TFDP2: variants seen among roughly 807,000 people sequenced by gnomAD.
TFDP2 encodes the protein transcription factor Dp-2 (E2F dimerization partner 2).
A neutral mutation model predicts 59.3 loss-of-function variants in TFDP2; 17 were observed. That is an observed-to-expected ratio of 0.29 (90% CI 0.20 to 0.43). TFDP2 has a LOEUF of 0.43. Ranked by LOEUF, TFDP2 falls within the 20% of genes least tolerant of loss-of-function variation. TFDP2 has a pLI of 1.00. For missense variants in TFDP2, 391 were observed against 528.8 expected (o/e 0.74, Z 2.56); for synonymous variants, 180 against 194.7 (o/e 0.92, Z 0.63).
At chr3:142,023,323 T>G (rs1300594276) in intron 3 of TFDP2, among the ~76,000 whole-genome samples, 2 of 150,858 alleles carry the variant, frequency 1.3e-5, no homozygotes, top group East Asian at 4.0e-4. Context: ...TAGCTGGGAT[T>G]ATGGGCGTGT....
In TFDP2 at chr3:142,051,522, CA is replaced by C. The variant is rs774707613; in HGVS notation, c.82+41538del. Reference sequence around the variant, plus strand: ...TGGGAGACAGAGAGAGATTCCATCTCAAAAAAAAAAAAACCGTCTCCAGATA... The same window carrying C: ...TGGGAGACAGAGAGAGATTCCATCTCAAAAAAAAAAAACCGTCTCCAGATA... On this transcript the variant is annotated intron_variant, in intron 3 of 12. Transcript: ENST00000489671. Among the ~76,000 whole-genome samples the C allele has an allele frequency of 3.1e-3, 370 of 120,394 alleles. 5 individuals are homozygous for C. The highest frequency in any genetic ancestry group is 9.9e-3 in the African/African-American group (321 of 32,566). The allele number at this position is 120,394 out of a possible 152,430, so 79.0% of individuals were successfully genotyped here.
rs1935777267 is a variant in TFDP2, at chr3:141,950,109, T to C, written c.*2404A>G. The C allele has an allele frequency of 6.6e-6, 1 of 152,174 alleles. No individual in the cohort carries two copies. Among genetic ancestry groups the C allele is most frequent in the African/African-American group, 2.4e-5 (1 of 41,430 alleles). 9.4% of individuals were successfully genotyped at this position (152,174 alleles called of 1,614,324 possible). A position where few individuals can be genotyped will look rare whatever the true frequency, so the allele number is the denominator to read the frequency against. The stretch of plus-strand genomic sequence containing the variant: ...GGCGAGAGGCACTGCACCCAGCCCA[T>C]GGTTTCCTAACACTGCCTCACTTTG... On this transcript the variant is annotated 3_prime_UTR_variant, in exon 13 of 13. Transcript: ENST00000489671.
At chr3:141,972,418 C>CT (rs1363935101) in intron 8 of TFDP2, among the ~76,000 whole-genome samples, 1 of 152,216 alleles carries the variant, frequency 6.6e-6, no homozygotes, top group African/African-American at 2.4e-5. Context: ...CAACCCTTCT[C>CT]TTTGTAATTT....
intron 3 of TFDP2, among the ~76,000 whole-genome samples, chr3:142,045,242 C>G (rs1253049202): frequency 6.6e-6 from 1 of 151,644 alleles, no homozygotes; most frequent in Non-Finnish European, 1.5e-5. Context: ...CCATTGCAAC[C>G]TCTGCCTCCC....
chr3:142,110,024 C>T (rs1016170838), intron 1 of TFDP2, among the ~76,000 whole-genome samples: 4 of 152,006 alleles, frequency 2.6e-5, no homozygotes, highest in African/African-American at 7.2e-5. Context: ...ACTACAGGTG[C>T]GGGCGCATGC....
rs1342484878 is a variant in TFDP2 at position 141,968,425 on chromosome 3, CATAT to C, written c.732+1644_732+1647del. Among the ~76,000 whole-genome samples the C allele has an allele frequency of 6.6e-4, 47 of 70,692 alleles. 4 individuals carry two copies. Among genetic ancestry groups the C allele is most frequent in the Non-Finnish European group, 1.1e-3 (39 of 35,104 alleles). 46.4% of individuals were successfully genotyped at this position (70,692 alleles called of 152,430 possible). ...TATCATATATATAACATATATATCTCATATATAGATATATATAACATATATATCT... is the reference window on the plus strand; with the variant it reads ...TATCATATATATAACATATATATCTCATAGATATATATAACATATATATCT... On this transcript the variant is annotated intron_variant, in intron 9 of 12. Coordinates refer to ENST00000489671, the MANE Select transcript of TFDP2 (RefSeq NM_001178139.2).
intron 1 of TFDP2, among the ~76,000 whole-genome samples, chr3:142,148,304 G>C (rs1035259067): frequency 1.3e-5 from 2 of 152,172 alleles, no homozygotes; most frequent in African/African-American, 4.8e-5. Context: ...GGGCTCAAAG[G>C]CAGCTTCAGC....
At chr3:141,969,984 A>G in intron 9 of TFDP2, 89 bp downstream of exon 9, 1 of 1,302,692 alleles carries the variant, frequency 7.7e-7, no homozygotes. Context: ...CACACCACTC[A>G]GAGGCACCAC....
At chr3:141,975,171 C>T (rs1940439146) in intron 7 of TFDP2, among the ~76,000 whole-genome samples, 1 of 151,870 alleles carries the variant, frequency 6.6e-6, no homozygotes, top group Admixed American at 6.6e-5. Flanking sequence ...CTCGACCTCC[C>T]AAAGTGCTAG....
At chr3:142,146,899 T>C (rs2063199013) in intron 1 of TFDP2, among the ~76,000 whole-genome samples, 1 of 152,102 alleles carries the variant, frequency 6.6e-6, no homozygotes, top group South Asian at 2.1e-4. Context: ...AGGACACAAT[T>C]TCTAGTTCAG....
At chr3:141,969,659 G>T (rs1044271085) in intron 9 of TFDP2, among the ~76,000 whole-genome samples, 3 of 152,046 alleles carry the variant, frequency 2.0e-5, no homozygotes, top group Non-Finnish European at 4.4e-5. Context: ...ATGCCATTCT[G>T]TCATTTACTG....
At chr3:141,981,379 C>T (rs1388213653) in intron 6 of TFDP2, among the ~76,000 whole-genome samples, 2 of 152,112 alleles carry the variant, frequency 1.3e-5, no homozygotes, top group African/African-American at 4.8e-5. Flanking sequence ...CCTAATGAAG[C>T]CTTTCTCAGA....
chr3:142,075,906 C>CAAAAAAAAAA (rs60581045), intron 3 of TFDP2, among the ~76,000 whole-genome samples: 12 of 80,708 alleles, frequency 1.5e-4, no homozygotes, highest in African/African-American at 6.0e-4. Context: ...GAACCTGCCT[C>CAAAAAAAAAA]AAAAAAAAAA....
At chr3:141,952,727 T>C (rs1238096981) in intron 12 of TFDP2, 31 bp from the exon 13 acceptor site, 2 of 1,605,736 alleles carry the variant, frequency 1.2e-6, no homozygotes, top group South Asian at 1.1e-5. Context: ...CACAGGCTCA[T>C]TAATGTGGTA....
intron 3 of TFDP2, among the ~76,000 whole-genome samples, chr3:142,010,202 C>G (rs1463634067): frequency 6.6e-6 from 1 of 150,946 alleles, no homozygotes; most frequent in African/African-American, 2.4e-5. Flanking sequence ...ATTTAACCTA[C>G]TCTTATAAAT....
At chr3:142,017,386 T>C (rs961156672) in intron 3 of TFDP2, among the ~76,000 whole-genome samples, 2 of 152,104 alleles carry the variant, frequency 1.3e-5, no homozygotes, top group African/African-American at 4.8e-5. Flanking sequence ...TGGAAGTATA[T>C]ATACAAATTC....
intron 9 of TFDP2, among the ~76,000 whole-genome samples, chr3:141,968,936 TC>T (rs1249104269): frequency 3.0e-5 from 3 of 100,462 alleles, no homozygotes; most frequent in African/African-American, 7.8e-5. Context: ...CATATATATC[TC>T]ATATATATAG....
chr3:142,122,009 A>C (rs542896325), intron 1 of TFDP2, among the ~76,000 whole-genome samples: 2 of 152,028 alleles, frequency 1.3e-5, no homozygotes, highest in Non-Finnish European at 2.9e-5. Context: ...GGTTAACGAG[A>C]AAACAGTGGA....
chr3:142,076,192 C>T (rs1576917758), intron 3 of TFDP2, among the ~76,000 whole-genome samples: 1 of 134,274 alleles, frequency 7.4e-6, no homozygotes, highest in South Asian at 2.3e-4. Context: ...TCCTGGGCAA[C>T]AGAGTGAGAC....
Sources: allele counts gnomAD v4.1 joint callset (sites outside exome capture counted in the v4.1 genomes callset), GRCh38; gene constraint gnomAD v4.1.1; transcripts MANE v1.5; gene names NCBI Gene and HGNC (gene_info 2026-07-23, HGNC 2026-07-21).